Variants in HIVEP3 observed in about 807,000 individuals in gnomAD.
HIVEP3 encodes transcription factor HIVEP3.
In HIVEP3, 49 loss-of-function variants were observed where a neutral mutation model predicts 152.8. That is an observed-to-expected ratio of 0.32 (90% CI 0.26 to 0.41). The LOEUF (loss-of-function observed/expected upper bound fraction) is 0.41, where lower values mean the gene tolerates loss of function less well. HIVEP3 is among the 10% of genes least tolerant of loss of function. The pLI is 1.00. For missense variants in HIVEP3, 2,790 were observed against 3,103.3 expected (o/e 0.90, Z 2.40); for synonymous variants, 1,269 against 1,289.0 (o/e 0.98, Z 0.33).
chr1:41,549,740 ATTTG>A (rs1411855838), intron 5 of HIVEP3, among the ~76,000 whole-genome samples: 1 of 152,064 alleles, frequency 6.6e-6, no homozygotes, highest in African/African-American at 2.4e-5. Context: ...TTTCTTGTAA[ATTTG>A]TTTAAGTTCT....
intron 1 of HIVEP3, among the ~76,000 whole-genome samples, chr1:41,797,751 G>A (rs1650065592): frequency 6.6e-6 from 1 of 152,172 alleles, no homozygotes; most frequent in Non-Finnish European, 1.5e-5. Flanking sequence ...CACTTTGGGA[G>A]GCCAAGGCAG....
chr1:41,746,352 G>C (rs1249481462), intron 1 of HIVEP3, among the ~76,000 whole-genome samples: 1 of 152,226 alleles, frequency 6.6e-6, no homozygotes, highest in Non-Finnish European at 1.5e-5. Context: ...TGACATGTTT[G>C]CTGGGGAAAT....
chr1:41,528,433 G>C (rs1569757936), intron 5 of HIVEP3, among the ~76,000 whole-genome samples: 5 of 49,130 alleles, frequency 1.0e-4, no homozygotes, highest in African/African-American at 3.4e-4. Flanking sequence ...CACACCCTCA[G>C]ACTCACATCC....
chr1:41,753,296 G>A (rs1355540374), intron 1 of HIVEP3, among the ~76,000 whole-genome samples: 1 of 152,084 alleles, frequency 6.6e-6, no homozygotes, highest in Admixed American at 6.5e-5. Flanking sequence ...TTAATCCTAA[G>A]GAAATAATCA....
intron 3 of HIVEP3, among the ~76,000 whole-genome samples, chr1:41,623,929 C>T (rs915619896): frequency 6.6e-6 from 1 of 152,188 alleles, no homozygotes; most frequent in Non-Finnish European, 1.5e-5. Flanking sequence ...TCCCCACCCC[C>T]ACTTCTCTGC....
At chr1:41,958,595 T>C (rs977060085) in intron 1 of HIVEP3, among the ~76,000 whole-genome samples, 5 of 152,200 alleles carry the variant, frequency 3.3e-5, no homozygotes, top group African/African-American at 1.2e-4. Flanking sequence ...ACCCCCACTA[T>C]GTCACTCACC....
chr1:41,814,502 C>T (rs1429788143), intron 1 of HIVEP3, among the ~76,000 whole-genome samples: 1 of 152,228 alleles, frequency 6.6e-6, no homozygotes, highest in Non-Finnish European at 1.5e-5. Flanking sequence ...AGAACCAGAA[C>T]TTGAATGCAG....
intron 1 of HIVEP3, among the ~76,000 whole-genome samples, chr1:41,959,258 T>C (rs901847606): frequency 2.0e-5 from 3 of 152,178 alleles, no homozygotes; most frequent in Admixed American, 6.5e-5. Context: ...GACAAGTTGA[T>C]TTACTCCCAC....
intron 1 of HIVEP3, among the ~76,000 whole-genome samples, chr1:41,953,399 C>A (rs1351131259): frequency 1.3e-5 from 2 of 152,164 alleles, no homozygotes; most frequent in Admixed American, 6.5e-5. Context: ...GGATAAAATG[C>A]TAAAACTCTT....
rs1306113601 is a variant in HIVEP3, at chr1:41,910,263, AT to A, written c.-801+8149del. 2.0e-5 allele frequency among the ~76,000 whole-genome samples: 3 copies of A among 152,142 alleles called. No homozygotes were observed. In the East Asian group the frequency reaches 5.8e-4, roughly 29 times the overall value. The stretch of plus-strand genomic sequence containing the variant: ...CACAGATCCCACAGAACATTAAAAA[AT>A]AACAGCATCTTATAAGTAGCTTCAA... On this transcript the variant is annotated intron_variant, in intron 1 of 8. Transcript: ENST00000372583.
At chr1:41,534,498 A>C (rs1643348795) in intron 5 of HIVEP3, among the ~76,000 whole-genome samples, 2 of 151,588 alleles carry the variant, frequency 1.3e-5, no homozygotes, top group African/African-American at 2.4e-5. Context: ...CCTGTCCCAC[A>C]CCCCTCCTCT....
chr1:41,547,560 C>T (rs935471287), intron 5 of HIVEP3, among the ~76,000 whole-genome samples: 1 of 152,010 alleles, frequency 6.6e-6, no homozygotes, highest in Non-Finnish European at 1.5e-5. Context: ...GCGAGGAGCC[C>T]GAGGAGGTGG....
intron 3 of HIVEP3, among the ~76,000 whole-genome samples, chr1:41,628,198 G>A (rs1193689173): frequency 6.6e-6 from 1 of 152,148 alleles, no homozygotes; most frequent in East Asian, 1.9e-4. Context: ...AAGAATCATT[G>A]CCCCAACCCT....
chr1:41,704,242 C>T (rs1646402968), intron 1 of HIVEP3, among the ~76,000 whole-genome samples: 1 of 152,252 alleles, frequency 6.6e-6, no homozygotes, highest in Non-Finnish European at 1.5e-5. Context: ...CGCTTTCTCC[C>T]TCACATGGGA....
At chr1:41,739,145 G>T (rs531731600) in intron 1 of HIVEP3, among the ~76,000 whole-genome samples, 1 of 152,236 alleles carries the variant, frequency 6.6e-6, no homozygotes, top group Admixed American at 6.5e-5. Flanking sequence ...AAAGCCCAAG[G>T]AGCCCGCGCC....
intron 6 of HIVEP3, among the ~76,000 whole-genome samples, chr1:41,523,360 C>T (rs1034913653): frequency 6.6e-6 from 1 of 152,192 alleles, no homozygotes. Context: ...TTATGAGACA[C>T]CAAGAGAGAA....
rs1223148302 is a variant in HIVEP3 at position 41,802,278 on chromosome 1, C to A, written c.-800-101283G>T. 2.6e-5 allele frequency among the ~76,000 whole-genome samples: 4 copies of A among 152,156 alleles called. No individual in the cohort carries two copies. In the East Asian group the frequency reaches 7.7e-4, roughly 29 times the overall value. The stretch of plus-strand genomic sequence containing the variant: ...TTGCTCAGGCTGGTGTGCAGTGGCG[C>A]CATCTCAGCTCACTGCAGTCTCAAC... On this transcript the variant is annotated intron_variant, in intron 1 of 8. Transcript: ENST00000372583.
chr1:41,636,959 CA>C (rs56258158), intron 2 of HIVEP3, among the ~76,000 whole-genome samples: 3,027 of 127,036 alleles, frequency 0.024, 105 homozygotes, highest in African/African-American at 0.084. Flanking sequence ...AACTCCATCT[CA>C]AAAAAAAAAA....
chr1:41,804,189 C>T (rs959073243), intron 1 of HIVEP3, among the ~76,000 whole-genome samples: 4 of 152,212 alleles, frequency 2.6e-5, no homozygotes, highest in Non-Finnish European at 5.9e-5. Flanking sequence ...TCCCCACCTC[C>T]GATTTCTGCC....
Sources: allele counts gnomAD v4.1 joint callset (sites outside exome capture counted in the v4.1 genomes callset), GRCh38; gene constraint gnomAD v4.1.1; transcripts MANE v1.5; gene names NCBI Gene and HGNC (gene_info 2026-07-23, HGNC 2026-07-21).